The following TNFRSF18 variants were observed in gnomAD, a reference collection of about 807,000 sequenced individuals.
TNFRSF18 encodes tumor necrosis factor receptor superfamily member 18.
TNFRSF18 carries 36 observed loss-of-function variants against 30.2 expected under a neutral mutation model. That is an observed-to-expected ratio of 1.19 (90% CI 0.91 to 1.58). The LOEUF (loss-of-function observed/expected upper bound fraction) is 1.58. Among genes scored for constraint, TNFRSF18 ranks in the 40% most tolerant of loss-of-function variants. The pLI, the probability that TNFRSF18 is intolerant of heterozygous loss-of-function variation, is 0.00. For missense variants in TNFRSF18, 369 were observed against 345.4 expected (o/e 1.07, Z -0.54); for synonymous variants, 173 against 158.3 (o/e 1.09, Z -0.70).
In TNFRSF18 at chr1:1,204,773, G is replaced by A. The variant is rs76030777; in HGVS notation, c.311-287C>T. On this transcript the variant is annotated intron_variant, in intron 2 of 4. Transcript: ENST00000379268. ...GAAAGGCCTGCCCATTGGGGGCTGA[G>A]GGTGGGCAGAAGCCAGGCAGGACCC... Among the ~76,000 whole-genome samples, 406 of 152,200 alleles carry A rather than the reference G, an allele frequency of 2.7e-3. 12 individuals are homozygous for A. In the East Asian group the frequency reaches 0.05, roughly 19 times the overall value.
At chr1:1,206,024 G>A (rs1271291438) in intron 1 of TNFRSF18, among the ~76,000 whole-genome samples, 2 of 152,214 alleles carry the variant, frequency 1.3e-5, no homozygotes, top group Non-Finnish European at 1.5e-5. Flanking sequence ...CAGGCCAGAC[G>A]GTGGTGCAGG....
At chr1:1,204,871 T>C (rs1051592853) in intron 2 of TNFRSF18, among the ~76,000 whole-genome samples, 3 of 152,110 alleles carry the variant, frequency 2.0e-5, no homozygotes, top group Non-Finnish European at 4.4e-5. Context: ...CCCCAGACCC[T>C]GCCCCGTCCA....
chr1:1,204,762 TTGGGGGCTGAGGG>T (rs1018432440), intron 2 of TNFRSF18, among the ~76,000 whole-genome samples: 34 of 152,114 alleles, frequency 2.2e-4, no homozygotes, highest in South Asian at 4.1e-4. Flanking sequence ...GGCCTGCCCA[TTGGGGGCTGAGGG>T]TGGGCAGAAG....
Position 1,204,181 on chromosome 1 carries a change from C to T in TNFRSF18, c.454G>A (p.Val152Met). 1 of 1,612,180 alleles carries T rather than the reference C, an allele frequency of 6.2e-7. No homozygotes were observed. The highest frequency in any genetic ancestry group is 8.5e-7 in the Non-Finnish European group (1 of 1,179,714). Residue 152 changes from valine to methionine, a missense_variant, in exon 4 of 5, where the codon GTG becomes ATG. By Grantham distance (21) the Val-to-Met change is conservative. Coordinates refer to ENST00000379268, the MANE Select transcript of TNFRSF18 (RefSeq NM_004195.3). ...VFPGNKTHNA[V>M]CVPGSPPAEP... ...GCCGGCGGGGACCCTGGGACGCACACAGCGTTGTGGGTCTTGTTCCCAGGG... is the reference window on the plus strand; with the variant it reads ...GCCGGCGGGGACCCTGGGACGCACATAGCGTTGTGGGTCTTGTTCCCAGGG...
chr1:1,203,612 G>A lies in TNFRSF18; in HGVS notation c.*232C>T, dbSNP rs748918197. On this transcript the variant is annotated 3_prime_UTR_variant, in exon 5 of 5. Coordinates refer to ENST00000379268, the MANE Select transcript of TNFRSF18 (RefSeq NM_004195.3). ...CGTCCTAAGACCCCACCCCATCAGGGCCAGCAAGGGAGGAAGGGGGCCATG... is the reference window on the plus strand; with the variant it reads ...CGTCCTAAGACCCCACCCCATCAGGACCAGCAAGGGAGGAAGGGGGCCATG... 1.0e-5 allele frequency: 16 copies of A among 1,527,844 alleles called. No homozygotes were observed. The African/African-American group carries it at 1.9e-4, about 18-fold the overall frequency. The allele number at this position is 1,527,844 out of a possible 1,614,324, so 94.6% of individuals were successfully genotyped here. A position where few individuals can be genotyped will look rare whatever the true frequency, so the allele number is the denominator to read the frequency against.
chr1:1,204,541 G>T, intron 2 of TNFRSF18, 55 bp from the exon 3 acceptor site: 1 of 1,413,000 alleles, frequency 7.1e-7, no homozygotes, highest in Non-Finnish European at 1.0e-6. Flanking sequence ...TTGCTGGGAT[G>T]GATGAGGAGG....
rs1317998158 is a variant in TNFRSF18, at chr1:1,204,069, A to T, written c.566T>A (p.Ile189Asn). ...CATGCACTGACTCCTCAGCTGCCAG[A>T]TGTGCAGTCCAAGCTGGGCCGAGGT... ...LLTSAQLGLH[I>N]WQLRSQCMWP... Residue 189 changes from isoleucine to asparagine, a missense_variant, in exon 4 of 5, where the codon ATC becomes AAC. Coordinates refer to ENST00000379268, the MANE Select transcript of TNFRSF18 (RefSeq NM_004195.3). 2 of 1,606,256 alleles carry T rather than the reference A, an allele frequency of 1.2e-6. No individual in the cohort carries two copies. The highest frequency in any genetic ancestry group is 1.3e-5 in the African/African-American group (1 of 74,834).
Position 1,205,391 on chromosome 1 carries a change from C to T in TNFRSF18, c.289G>A (p.Gly97Ser). The T allele has an allele frequency of 1.2e-6, 2 of 1,612,446 alleles. No homozygotes were observed. The highest frequency in any genetic ancestry group is 1.7e-6 in the Non-Finnish European group (2 of 1,179,776). ...TTACCCTGGGACTGTACCCCCTGGC[C>T]TGGGGGACAAGGGTGGTGCCGGCAG... ...TTCRHHPCPP[G>S]QGVQSQGKFS... The change falls in exon 2 of 5, where the codon GGC becomes AGC. Residue 97 changes from glycine to serine, a missense_variant. Physicochemically the swap from Gly to Ser is moderately conservative, Grantham distance 56. Coordinates refer to ENST00000379268, the MANE Select transcript of TNFRSF18 (RefSeq NM_004195.3).
intron 1 of TNFRSF18, 132 bp downstream of exon 1, chr1:1,206,253 C>G: frequency 9.5e-7 from 1 of 1,056,770 alleles, no homozygotes; most frequent in Non-Finnish European, 1.3e-6. Context: ...GCTCCCGCTG[C>G]TGGCGGCTCT....
chr1:1,205,586 G>A (rs547457921), intron 1 of TNFRSF18, 94 bp from the exon 2 acceptor site: 20 of 1,384,550 alleles, frequency 1.4e-5, no homozygotes, highest in Non-Finnish European at 1.6e-5. Context: ...GAGGTTGTCC[G>A]TTCTCCACCC....
chr1:1,204,733 G>A (rs1037271480), intron 2 of TNFRSF18, among the ~76,000 whole-genome samples: 3 of 152,198 alleles, frequency 2.0e-5, no homozygotes, highest in African/African-American at 7.2e-5. Flanking sequence ...AGTGCAGTGG[G>A]CCTGCCAGGG....
At chr1:1,205,631 G>A in intron 1 of TNFRSF18, 139 bp from the exon 2 acceptor site, 1 of 884,290 alleles carries the variant, frequency 1.1e-6, no homozygotes, top group Non-Finnish European at 1.7e-6. Context: ...GCTCCTGGCT[G>A]GGAGTCTGGA....
chr1:1,203,584 T>A lies in TNFRSF18; in HGVS notation c.*260A>T, dbSNP rs754070174. Reference sequence around the variant, plus strand: ...GCACTGCACACCCACGGACACAGCCTCCCGTCCTAAGACCCCACCCCATCA... The same window carrying A: ...GCACTGCACACCCACGGACACAGCCACCCGTCCTAAGACCCCACCCCATCA... On this transcript the variant is annotated 3_prime_UTR_variant, in exon 5 of 5. Coordinates refer to ENST00000379268, the MANE Select transcript of TNFRSF18 (RefSeq NM_004195.3). 6.7e-7 allele frequency: 1 copy of A among 1,499,686 alleles called. No individual in the cohort carries two copies. The highest frequency in any genetic ancestry group is 8.8e-7 in the Non-Finnish European group (1 of 1,132,910). 92.9% of individuals were successfully genotyped at this position (1,499,686 alleles called of 1,614,324 possible).
chr1:1,205,035 A>G (rs1648746063), intron 2 of TNFRSF18, among the ~76,000 whole-genome samples: 1 of 152,176 alleles, frequency 6.6e-6, no homozygotes, highest in Non-Finnish European at 1.5e-5. Context: ...CGGGGGGCAC[A>G]GGGCAGGCTC....
chr1:1,206,427 A>AGC lies in TNFRSF18; in HGVS notation c.143_144dup (p.Cys49AlafsTer119), dbSNP rs765019782. Reference sequence around the variant, plus strand: ...CAGCGCGTCGTGTGAACCCGGCAGCAGCGCGCGTCCGTTCCCGTCCCAAGC... The same window carrying AGC: ...CAGCGCGTCGTGTGAACCCGGCAGCAGCGCGCGCGTCCGTTCCCGTCCCAAGC... On this transcript the variant is annotated frameshift_variant, in exon 1 of 5. Coordinates refer to ENST00000379268, the MANE Select transcript of TNFRSF18 (RefSeq NM_004195.3). LOFTEE classifies it high-confidence loss of function. 498 of 1,547,276 alleles carry AGC rather than the reference A, an allele frequency of 3.2e-4. No homozygotes were observed. Among genetic ancestry groups the AGC allele is most frequent in the Non-Finnish European group, 3.9e-4 (449 of 1,146,258 alleles).
In TNFRSF18 at chr1:1,205,384, C is replaced by T; in HGVS notation, c.296G>A (p.Gly99Glu). Reference protein sequence around the residue: ...CRHHPCPPGQGVQSQGKFSFG... With the variant: ...CRHHPCPPGQEVQSQGKFSFG... Reference sequence around the variant, plus strand: ...CCAGGACTTACCCTGGGACTGTACCCCCTGGCCTGGGGGACAAGGGTGGTG... The same window carrying T: ...CCAGGACTTACCCTGGGACTGTACCTCCTGGCCTGGGGGACAAGGGTGGTG... Residue 99 changes from glycine (G) to glutamate (E), a missense_variant, in exon 2 of 5, where the codon GGG becomes GAG. Coordinates refer to ENST00000379268, the MANE Select transcript of TNFRSF18 (RefSeq NM_004195.3). The T allele has an allele frequency of 6.2e-7, 1 of 1,612,210 alleles. No homozygotes were observed. The highest frequency in any genetic ancestry group is 2.2e-5 in the East Asian group (1 of 44,844).
chr1:1,206,240 A>G, intron 1 of TNFRSF18, 145 bp downstream of exon 1: 2 of 949,706 alleles, frequency 2.1e-6, no homozygotes, highest in Non-Finnish European at 3.1e-6. Flanking sequence ...CTCCCTCCGG[A>G]AGGCTCCCGC....
chr1:1,206,534 A>G lies in TNFRSF18; in HGVS notation c.38T>C (p.Leu13Pro). Residue 13 changes from leucine to proline, a missense_variant, in exon 1 of 5, where the codon CTG becomes CCG. By Grantham distance (98) the Leu-to-Pro change is moderately conservative (BLOSUM62 -3). Coordinates refer to ENST00000379268, the MANE Select transcript of TNFRSF18 (RefSeq NM_004195.3). ...QHGAMGAFRA[L>P]CGLALLCALS... is the part of the protein sequence containing the mutation. ...CGCGCACAGCAGCGCCAGGCCGCACAGGGCCCGAAACGCGCCCATCGCCCC... is the reference window on the plus strand; with the variant it reads ...CGCGCACAGCAGCGCCAGGCCGCACGGGGCCCGAAACGCGCCCATCGCCCC... 2.6e-6 allele frequency: 4 copies of G among 1,527,582 alleles called. No individual in the cohort carries two copies. The highest frequency in any genetic ancestry group is 3.5e-6 in the Non-Finnish European group (4 of 1,140,054). The allele number at this position is 1,527,582 out of a possible 1,614,324, so 94.6% of individuals were successfully genotyped here. A position where few individuals can be genotyped will look rare whatever the true frequency, so the allele number is the denominator to read the frequency against.
In TNFRSF18 at chr1:1,206,405, C is replaced by T. The variant is rs1338226008; in HGVS notation, c.167G>A (p.Arg56His). Residue 56 changes from arginine (R) to histidine (H), a missense_variant, in exon 1 of 5, where the codon CGC (arginine) becomes CAC (histidine). Arg to His is a conservative substitution (Grantham distance 29). Coordinates refer to ENST00000379268, the MANE Select transcript of TNFRSF18 (RefSeq NM_004195.3). Reference sequence around the variant, plus strand: ...CTTACCCGGGTAATCGCGGCAGCAGCGCGTCGTGTGAACCCGGCAGCAGCG... The same window carrying T: ...CTTACCCGGGTAATCGCGGCAGCAGTGCGTCGTGTGAACCCGGCAGCAGCG... ...DARCCRVHTTRCCRDYPGEEC... is the reference protein window; with the variant it reads ...DARCCRVHTTHCCRDYPGEEC... 8 of 1,547,356 alleles carry T rather than the reference C, an allele frequency of 5.2e-6. No homozygotes were observed. Among genetic ancestry groups the T allele is most frequent in the East Asian group, 4.9e-5 (2 of 40,820 alleles).
Sources: gnomAD v4.1 joint callset for allele counts (sites outside exome capture counted in the v4.1 genomes callset) on GRCh38, gnomAD v4.1.1 for gene constraint, MANE v1.5 for transcripts, NCBI Gene and HGNC (gene_info 2026-07-23, HGNC 2026-07-21) for gene names.